Variants in PARP12 observed in about 807,000 individuals in gnomAD.
PARP12 encodes the protein protein mono-ADP-ribosyltransferase PARP12.
A neutral mutation model predicts 72.4 loss-of-function variants in PARP12; 59 were observed. The observed-to-expected ratio is 0.81, with a 90% CI of 0.66 to 1.01. The LOEUF (loss-of-function observed/expected upper bound fraction) is 1.01, where lower values mean the gene tolerates loss of function less well. Ranked by LOEUF, PARP12 falls within the 50% of genes least tolerant of loss-of-function variation. PARP12 has a pLI of 0.00. For synonymous variants in PARP12, 403 were observed against 371.4 expected (o/e 1.09, Z -0.98); for missense variants, 851 against 914.0 (o/e 0.93, Z 0.89).
intron 2 of PARP12, 86 bp downstream of exon 2, chr7:140,057,813 C>A: frequency 6.4e-7 from 1 of 1,551,132 alleles, no homozygotes; most frequent in Non-Finnish European, 8.7e-7. Context: ...CAAGGGCCCA[C>A]CCATTCCACT....
chr7:140,047,627 CT>C (rs1010889035), intron 4 of PARP12, among the ~76,000 whole-genome samples: 4 of 149,748 alleles, frequency 2.7e-5, no homozygotes, highest in East Asian at 1.9e-4. Flanking sequence ...CAGGACCTTA[CT>C]TTTTTTTTTG....
At chr7:140,060,751 C>T (rs547373933) in intron 1 of PARP12, among the ~76,000 whole-genome samples, 1 of 78,110 alleles carries the variant, frequency 1.3e-5, no homozygotes, top group African/African-American at 6.7e-5. Context: ...CCCTGCTCTC[C>T]CCTGGACTGC....
chr7:140,041,556 C>T (rs1816468659), intron 6 of PARP12, 88 bp downstream of exon 6: 9 of 1,350,474 alleles, frequency 6.7e-6, no homozygotes, highest in Non-Finnish European at 8.1e-6. Flanking sequence ...CTCAAGGATG[C>T]CCCTGGCAAC....
Position 140,024,065 on chromosome 7 carries a change from G to A in PARP12, c.*495C>T, listed in dbSNP as rs915199994. On this transcript the variant is annotated 3_prime_UTR_variant, in exon 12 of 12. Coordinates refer to ENST00000263549, the MANE Select transcript of PARP12 (RefSeq NM_022750.4). ...GACCAACTAATGCCAGAGCCCAGGA[G>A]AAGCCACAGCAGAGCTGCCTGGGTT... The A allele has an allele frequency of 8.5e-6, 2 of 234,978 alleles. No homozygotes were observed. Among genetic ancestry groups the A allele is most frequent in the East Asian group, 1.1e-4 (1 of 8,888 alleles). The allele number at this position is 234,978 out of a possible 1,614,324, so 14.6% of individuals were successfully genotyped here.
intron 8 of PARP12, among the ~76,000 whole-genome samples, chr7:140,030,275 GA>G (rs1815889181): frequency 6.6e-6 from 1 of 152,192 alleles, no homozygotes; most frequent in Non-Finnish European, 1.5e-5. Context: ...TATACCCAGT[GA>G]AAATTTCCTT....
intron 7 of PARP12, among the ~76,000 whole-genome samples, chr7:140,035,644 T>G (rs1816119668): frequency 6.6e-6 from 1 of 152,212 alleles, no homozygotes; most frequent in South Asian, 2.1e-4. Context: ...CAGAACTGAA[T>G]CATCCCTAAA....
chr7:140,047,077 A>G (rs1424447316), intron 4 of PARP12, 70 bp from the exon 5 acceptor site: 1 of 1,514,188 alleles, frequency 6.6e-7, no homozygotes, highest in African/African-American at 1.4e-5. Flanking sequence ...GTGGTTGTCA[A>G]CAGGTGTGGT....
Position 140,026,188 on chromosome 7 carries a change from A to G in PARP12, c.1780+9T>C. On this transcript the variant is annotated intron_variant, in intron 11 of 11. Coordinates refer to ENST00000263549, the MANE Select transcript of PARP12 (RefSeq NM_022750.4). ...TGGGTTTTGCTGGTGGAGGCCAGTC[A>G]TGCCTTACCCTTGCCGTAGGAAGTG... is the stretch of plus-strand genomic sequence containing the variant. 6.2e-7 allele frequency: 1 copy of G among 1,614,164 alleles called. No homozygotes were observed.
chr7:140,041,275 T>C (rs1206761062), intron 6 of PARP12: 3 of 172,086 alleles, frequency 1.7e-5, no homozygotes, highest in Non-Finnish European at 3.8e-5. Flanking sequence ...TTTACCTCTA[T>C]ATCACAGCTA....
At chr7:140,033,142 C>T in intron 8 of PARP12, 2 of 973,284 alleles carry the variant, frequency 2.1e-6, no homozygotes, top group Non-Finnish European at 2.4e-6. Flanking sequence ...ATCTACCCGC[C>T]TCGGCCTCTT....
intron 8 of PARP12, 36 bp downstream of exon 8, chr7:140,034,199 T>G (rs1816056053): frequency 2.5e-6 from 4 of 1,602,566 alleles, no homozygotes; most frequent in Middle Eastern, 1.7e-4. Context: ...CCCAGCTGAT[T>G]ACATCCTAAG....
chr7:140,057,717 T>C, intron 2 of PARP12, 182 bp downstream of exon 2: 1 of 777,818 alleles, frequency 1.3e-6, no homozygotes, highest in Non-Finnish European at 2.0e-6. Flanking sequence ...GGAACTGGGT[T>C]GTTGGCAAAG....
chr7:140,047,086 G>GTGC (rs1327084975), intron 4 of PARP12, 79 bp from the exon 5 acceptor site: 10 of 1,473,420 alleles, frequency 6.8e-6, no homozygotes, highest in Non-Finnish European at 6.4e-6. Flanking sequence ...AACAGGTGTG[G>GTGC]TGCTGCCCAC....
chr7:140,032,278 T>C lies in PARP12; in HGVS notation c.1421+1957A>G, dbSNP rs931256538. 2.6e-5 allele frequency among the ~76,000 whole-genome samples: 4 copies of C among 151,872 alleles called. No homozygotes were observed. The South Asian group carries it at 8.3e-4, about 32-fold the overall frequency. ...GGGTGTGCATAATGATTCAAGCCCA[T>C]GGAAAGGAATTTGGTTTACTTCCTA... On this transcript the variant is annotated intron_variant, in intron 8 of 11. Coordinates refer to ENST00000263549, the MANE Select transcript of PARP12 (RefSeq NM_022750.4).
chr7:140,026,442 CAA>C, intron 10 of PARP12, 94 bp from the exon 11 acceptor site: 3 of 1,513,104 alleles, frequency 2.0e-6, no homozygotes, highest in Non-Finnish European at 2.7e-6. Flanking sequence ...TCCAAAATTC[CAA>C]AAGTGTCCTG....
chr7:140,048,632 C>A (rs1816832644), intron 4 of PARP12, among the ~76,000 whole-genome samples: 2 of 152,178 alleles, frequency 1.3e-5, no homozygotes, highest in African/African-American at 4.8e-5. Flanking sequence ...ACTAAACACA[C>A]ACACATGCAC....
Position 140,024,763 on chromosome 7 carries a change from C to A in PARP12, c.1903G>T (p.Val635Phe), listed in dbSNP as rs141818326. ...GEFVRGNASFVRPPAKEGWSN... is the reference protein window; with the variant it reads ...GEFVRGNASFFRPPAKEGWSN... ...CAGCCCTCCTTGGCCGGCGGACGGA[C>A]AAAGGAGGCATTGCCCCTGACGAAC... is the stretch of plus-strand genomic sequence containing the variant. The change falls in exon 12 of 12, where the codon GTC becomes TTC. Residue 635 changes from valine to phenylalanine, a missense_variant. Physicochemically the swap from Val to Phe is conservative, Grantham distance 50 (BLOSUM62 -1). Around this residue, in one of 3 missense-constraint regions of PARP12, gnomAD observed 347 missense variants for 396.1 expected, o/e 0.88. Transcript: ENST00000263549. 1.2e-6 allele frequency: 2 copies of A among 1,614,056 alleles called. No individual in the cohort carries two copies. The highest frequency in any genetic ancestry group is 2.7e-5 in the African/African-American group (2 of 74,922).
chr7:140,038,546 T>C (rs927050439), intron 6 of PARP12, among the ~76,000 whole-genome samples: 7 of 152,158 alleles, frequency 4.6e-5, no homozygotes, highest in African/African-American at 1.4e-4. Flanking sequence ...CAGGACTATA[T>C]TGTCCTCACA....
At chr7:140,058,227 T>C (rs1817271845) in intron 1 of PARP12, among the ~76,000 whole-genome samples, 193 bp from the exon 2 acceptor site, 1 of 152,048 alleles carries the variant, frequency 6.6e-6, no homozygotes, top group South Asian at 2.1e-4. Flanking sequence ...TAAGAAGAGA[T>C]TTGGCTAAGC....
Sources: allele counts gnomAD v4.1 joint callset (sites outside exome capture counted in the v4.1 genomes callset), GRCh38; gene constraint gnomAD v4.1.1; regional missense constraint gnomAD v4.1.1; transcripts MANE v1.5; gene names NCBI Gene and HGNC (gene_info 2026-07-23, HGNC 2026-07-21).